The following DSCAM variants were observed in gnomAD, a reference collection of about 807,000 sequenced individuals.
DSCAM encodes DS cell adhesion molecule, also known as cell adhesion molecule DSCAM.
Under a neutral mutation model 217.7 loss-of-function variants are expected in DSCAM, and 47 were observed. The ratio of observed to expected loss-of-function variants is 0.22; its 90% CI spans 0.17 to 0.28. DSCAM has a LOEUF of 0.28. Among genes scored for constraint, DSCAM ranks in the 10% least tolerant of loss-of-function variants. DSCAM has a pLI of 1.00. For missense variants in DSCAM, 2,080 were observed against 2,618.3 expected, an observed-to-expected ratio of 0.79 and a Z score of 4.49; for synonymous variants, 1,056 against 1,015.3, an observed-to-expected ratio of 1.04 and a Z score of -0.76.
At chr21:40,737,590 G>T (rs529885557) in intron 1 of DSCAM, among the ~76,000 whole-genome samples, 1 of 152,162 alleles carries the variant, frequency 6.6e-6, no homozygotes, top group African/African-American at 2.4e-5. Flanking sequence ...GCAGTGAGCC[G>T]AGATTGCACC....
chr21:40,230,055 G>A (rs534570005), intron 11 of DSCAM, among the ~76,000 whole-genome samples: 17 of 152,148 alleles, frequency 1.1e-4, no homozygotes, highest in Non-Finnish European at 1.8e-4. Flanking sequence ...ACTATTTCAA[G>A]GTCATTTTAA....
At chr21:40,257,499 A>ACACACACAC (rs1189387272) in intron 11 of DSCAM, among the ~76,000 whole-genome samples, 2 of 65,796 alleles carry the variant, frequency 3.0e-5, no homozygotes, top group Non-Finnish European at 6.8e-5. Flanking sequence ...CACACACACA[A>ACACACACAC]TGGCAAACGC....
chr21:40,689,767 C>T (rs374955118), intron 3 of DSCAM, among the ~76,000 whole-genome samples: 21 of 152,284 alleles, frequency 1.4e-4, no homozygotes, highest in East Asian at 1.4e-3. Context: ...CAAACTAGCT[C>T]GCAGGAGTTA....
intron 3 of DSCAM, among the ~76,000 whole-genome samples, chr21:40,376,495 CTA>C (rs1326572184): frequency 4.8e-5 from 5 of 104,816 alleles, no homozygotes; most frequent in Admixed American, 1.2e-4. Context: ...ATATAGATAT[CTA>C]TATATCTTAT....
At chr21:40,195,632 T>C (rs2090999582) in intron 11 of DSCAM, among the ~76,000 whole-genome samples, 1 of 152,026 alleles carries the variant, frequency 6.6e-6, no homozygotes. Flanking sequence ...TCCTGGGAAG[T>C]TTCTCAGTCC....
At chr21:40,358,053 A>T (rs942720193) in intron 4 of DSCAM, among the ~76,000 whole-genome samples, 1 of 152,104 alleles carries the variant, frequency 6.6e-6, no homozygotes, top group African/African-American at 2.4e-5. Context: ...CAAAGATGTC[A>T]CCCCTTTGGC....
At chr21:40,765,954 C>T (rs1028819779) in intron 1 of DSCAM, among the ~76,000 whole-genome samples, 7 of 152,230 alleles carry the variant, frequency 4.6e-5, no homozygotes, top group African/African-American at 1.7e-4. Context: ...AATGGCATTT[C>T]CCCACCCTGT....
chr21:40,842,560 C>T (rs1045947839), intron 1 of DSCAM, among the ~76,000 whole-genome samples: 3 of 152,000 alleles, frequency 2.0e-5, no homozygotes, highest in Non-Finnish European at 2.9e-5. Flanking sequence ...GTTCACAGGT[C>T]TTTCTTTATA....
At chr21:40,160,894 G>A (rs141572530) in intron 16 of DSCAM, among the ~76,000 whole-genome samples, 46 of 152,274 alleles carry the variant, frequency 3.0e-4, no homozygotes, top group African/African-American at 9.6e-4. Flanking sequence ...CTGGCTCGAC[G>A]GCAGACGGCC....
chr21:40,557,448 G>A (rs944935784), intron 3 of DSCAM, among the ~76,000 whole-genome samples: 5 of 152,008 alleles, frequency 3.3e-5, no homozygotes, highest in African/African-American at 7.2e-5. Context: ...TCTGCCTCCC[G>A]GGTTCATGCC....
chr21:40,329,137 T>C (rs1240559962), intron 8 of DSCAM, among the ~76,000 whole-genome samples: 1 of 152,220 alleles, frequency 6.6e-6, no homozygotes, highest in African/African-American at 2.4e-5. Flanking sequence ...AGAACCACCA[T>C]ATTTTCTAGC....
intron 1 of DSCAM, among the ~76,000 whole-genome samples, chr21:40,736,439 A>G (rs1423964419): frequency 1.3e-5 from 2 of 152,208 alleles, no homozygotes; most frequent in African/African-American, 2.4e-5. Context: ...ACGAAATATC[A>G]CAGGCTGGGC....
chr21:40,591,505 T>C (rs1176007101), intron 3 of DSCAM, among the ~76,000 whole-genome samples: 1 of 152,224 alleles, frequency 6.6e-6, no homozygotes, highest in Non-Finnish European at 1.5e-5. Context: ...ACTTGTTTTC[T>C]ATCCCAGTAT....
intron 9 of DSCAM, among the ~76,000 whole-genome samples, chr21:40,310,850 C>T (rs1316162038): frequency 1.3e-5 from 2 of 152,194 alleles, no homozygotes; most frequent in Non-Finnish European, 2.9e-5. Context: ...AATTCTTCCA[C>T]TCCAAAGTGC....
intron 1 of DSCAM, among the ~76,000 whole-genome samples, chr21:40,746,805 A>G (rs2091179443): frequency 6.6e-6 from 1 of 151,964 alleles, no homozygotes; most frequent in Non-Finnish European, 1.5e-5. Context: ...TCTCCAGGAT[A>G]GATTATGAAA....
chr21:40,183,229 T>G (rs2090856920), intron 14 of DSCAM, among the ~76,000 whole-genome samples: 1 of 152,122 alleles, frequency 6.6e-6, no homozygotes, highest in African/African-American at 2.4e-5. Context: ...GGCAACAAAC[T>G]GCAGACGAAT....
intron 18 of DSCAM, among the ~76,000 whole-genome samples, chr21:40,135,700 G>A (rs1411966398): frequency 3.9e-5 from 6 of 152,196 alleles, no homozygotes; most frequent in East Asian, 1.9e-4. Context: ...GAATAGCCAC[G>A]TATTTTGTGT....
chr21:40,353,049 G>C (rs1463920674), intron 5 of DSCAM, among the ~76,000 whole-genome samples: 1 of 152,202 alleles, frequency 6.6e-6, no homozygotes, highest in Non-Finnish European at 1.5e-5. Context: ...TCTGGAAACA[G>C]ACAAAGGACA....
intron 3 of DSCAM, among the ~76,000 whole-genome samples, chr21:40,486,235 TC>T (rs2076027141): frequency 6.6e-6 from 1 of 152,172 alleles, no homozygotes; most frequent in Non-Finnish European, 1.5e-5. Flanking sequence ...CTTGGGATAA[TC>T]ACCCGGCATG....
Sources: gnomAD v4.1 joint callset for allele counts (sites outside exome capture counted in the v4.1 genomes callset) on GRCh38, gnomAD v4.1.1 for gene constraint, MANE v1.5 for transcripts, NCBI Gene and HGNC (gene_info 2026-07-23, HGNC 2026-07-21) for gene names.